ST6GALNAC3: variants seen among roughly 807,000 people sequenced by gnomAD.
ST6GALNAC3 encodes ST6 N-acetylgalactosaminide alpha-2,6-sialyltransferase 3.
ST6GALNAC3 carries 25 observed loss-of-function variants against 32.7 expected under a neutral mutation model. That is an observed-to-expected ratio of 0.76 (90% CI 0.56 to 1.07). ST6GALNAC3 has a LOEUF of 1.07. ST6GALNAC3 is among the 50% of genes least tolerant of loss of function. The pLI is 0.00. For missense variants in ST6GALNAC3, 355 were observed against 382.4 expected (o/e 0.93, Z 0.60); for synonymous variants, 129 against 133.1 (o/e 0.97, Z 0.21).
intron 3 of ST6GALNAC3, among the ~76,000 whole-genome samples, chr1:76,469,715 C>G (rs1475324626): frequency 6.6e-6 from 1 of 152,022 alleles, no homozygotes; most frequent in African/African-American, 2.4e-5. Context: ...CAGCCAAAGT[C>G]TTGGCAATGT....
chr1:76,258,788 G>A (rs1461878997), intron 1 of ST6GALNAC3, among the ~76,000 whole-genome samples: 1 of 152,158 alleles, frequency 6.6e-6, no homozygotes. Context: ...CCCAAATGAA[G>A]TGTTCAGATT....
At chr1:76,462,235 T>TAAA (rs71676938) in intron 3 of ST6GALNAC3, among the ~76,000 whole-genome samples, 348 of 147,992 alleles carry the variant, frequency 2.4e-3, no homozygotes, top group African/African-American at 8.2e-3. Flanking sequence ...GAATTAATGG[T>TAAA]AAAAAAAAAA....
chr1:76,442,679 C>A (rs947626036), intron 3 of ST6GALNAC3, among the ~76,000 whole-genome samples: 5 of 152,176 alleles, frequency 3.3e-5, no homozygotes, highest in African/African-American at 1.2e-4. Flanking sequence ...TGTACCCTGC[C>A]TGGCATATTA....
intron 3 of ST6GALNAC3, among the ~76,000 whole-genome samples, chr1:76,552,311 C>T (rs1038331169): frequency 6.6e-6 from 1 of 152,210 alleles, no homozygotes; most frequent in African/African-American, 2.4e-5. Flanking sequence ...CCCTTTCCCC[C>T]ACATTGGAGA....
At chr1:76,627,107 T>C (rs1649014762) in intron 3 of ST6GALNAC3, among the ~76,000 whole-genome samples, 1 of 151,912 alleles carries the variant, frequency 6.6e-6, no homozygotes, top group Admixed American at 6.6e-5. Context: ...ATCTTTCCTC[T>C]GATAGACAGG....
At chr1:76,628,472 A>G in intron 4 of ST6GALNAC3, 148 bp from the exon 5 acceptor site, 1 of 746,990 alleles carries the variant, frequency 1.3e-6, no homozygotes, top group Non-Finnish European at 2.0e-6. Context: ...TTTCATACAT[A>G]TAATAGCTTT....
At chr1:76,507,035 T>C (rs1162242112) in intron 3 of ST6GALNAC3, among the ~76,000 whole-genome samples, 1 of 152,202 alleles carries the variant, frequency 6.6e-6, no homozygotes, top group African/African-American at 2.4e-5. Flanking sequence ...GCCTCTGCTG[T>C]TCATTATTTC....
chr1:76,177,151 A>T (rs192802048), intron 1 of ST6GALNAC3, among the ~76,000 whole-genome samples: 70 of 152,158 alleles, frequency 4.6e-4, no homozygotes, highest in South Asian at 3.5e-3. Context: ...ATTTTTTTTT[A>T]AAAAAGAGTT....
chr1:76,322,402 C>G (rs1295159188), intron 2 of ST6GALNAC3, among the ~76,000 whole-genome samples: 3 of 152,070 alleles, frequency 2.0e-5, no homozygotes, highest in Non-Finnish European at 4.4e-5. Flanking sequence ...TTGGGGTTCA[C>G]CAAAGAAGAG....
intron 3 of ST6GALNAC3, among the ~76,000 whole-genome samples, chr1:76,590,491 G>T (rs1647030453): frequency 6.6e-6 from 1 of 152,144 alleles, no homozygotes; most frequent in Non-Finnish European, 1.5e-5. Flanking sequence ...AAGACTCCAA[G>T]CACCCACATG....
chr1:76,272,324 G>GAAAAAAAAAAAAAAA (rs55839101), intron 1 of ST6GALNAC3, among the ~76,000 whole-genome samples: 1 of 112,064 alleles, frequency 8.9e-6, no homozygotes, highest in Non-Finnish European at 1.7e-5. Context: ...CTCAGTCTCG[G>GAAAAAAAAAAAAAAA]AAAAAAAAAA....
chr1:76,587,912 G>T (rs1411592592), intron 3 of ST6GALNAC3, among the ~76,000 whole-genome samples: 1 of 152,124 alleles, frequency 6.6e-6, no homozygotes, highest in South Asian at 2.1e-4. Flanking sequence ...AACATCCATC[G>T]GTTAGGATCC....
At chr1:76,455,630 C>T (rs182023100) in intron 3 of ST6GALNAC3, among the ~76,000 whole-genome samples, 57 of 152,264 alleles carry the variant, frequency 3.7e-4, no homozygotes, top group African/African-American at 1.3e-3. Flanking sequence ...CCGTTGCTCT[C>T]TTTATTTCAA....
intron 1 of ST6GALNAC3, among the ~76,000 whole-genome samples, chr1:76,088,297 G>C (rs914807109): frequency 3.9e-5 from 6 of 152,152 alleles, no homozygotes; most frequent in Non-Finnish European, 7.3e-5. Flanking sequence ...CTGTCTCCTA[G>C]AGCAGAGAAT....
chr1:76,167,665 G>A lies in ST6GALNAC3; in HGVS notation c.18+92781G>A, dbSNP rs147408757. Among the ~76,000 whole-genome samples, 184 of 152,128 alleles carry A rather than the reference G, an allele frequency of 1.2e-3. 1 individual carries two copies. Among genetic ancestry groups the A allele is most frequent in the African/African-American group, 4.4e-3 (182 of 41,528 alleles). On this transcript the variant is annotated intron_variant, in intron 1 of 4. Coordinates refer to ENST00000328299, the MANE Select transcript of ST6GALNAC3 (RefSeq NM_152996.4). ...GGCTATTTGTTGATTCAATTTCGGA[G>A]CTCATTATTGTCTGTTCAGGGATTC...
At chr1:76,196,354 G>A (rs372804688) in intron 1 of ST6GALNAC3, among the ~76,000 whole-genome samples, 13 of 152,122 alleles carry the variant, frequency 8.5e-5, no homozygotes, top group East Asian at 7.7e-4. Context: ...TACTGATGCT[G>A]CTCCTCTGGG....
At chr1:76,499,759 A>AC (rs1661071315) in intron 3 of ST6GALNAC3, among the ~76,000 whole-genome samples, 2 of 152,204 alleles carry the variant, frequency 1.3e-5, no homozygotes. Flanking sequence ...ATAATCAATT[A>AC]CAATATAAAG....
At chr1:76,079,172 A>G (rs1391786195) in intron 1 of ST6GALNAC3, among the ~76,000 whole-genome samples, 4 of 152,162 alleles carry the variant, frequency 2.6e-5, no homozygotes, top group Admixed American at 2.6e-4. Context: ...GCTCCAGGAG[A>G]CAGATTACAG....
At chr1:76,120,833 G>A (rs1648826736) in intron 1 of ST6GALNAC3, among the ~76,000 whole-genome samples, 1 of 152,190 alleles carries the variant, frequency 6.6e-6, no homozygotes, top group Non-Finnish European at 1.5e-5. Context: ...CGACATAAAA[G>A]CTGTACAAAT....
Sources: gnomAD v4.1 joint callset for allele counts (sites outside exome capture counted in the v4.1 genomes callset) on GRCh38, gnomAD v4.1.1 for gene constraint, MANE v1.5 for transcripts, NCBI Gene and HGNC (gene_info 2026-07-23, HGNC 2026-07-21) for gene names.